The following CES1 variants were observed in gnomAD, a reference collection of about 807,000 sequenced individuals.
CES1 encodes carboxylesterase 1.
In CES1, 50 loss-of-function variants were observed where a neutral mutation model predicts 53.0. The ratio of observed to expected loss-of-function variants is 0.94; its 90% CI spans 0.75 to 1.19. The LOEUF is 1.19. Among genes scored for constraint, CES1 ranks in the 50% most tolerant of loss-of-function variants. The probability of loss-of-function intolerance (pLI) is 0.00; values close to 1 mark genes in which losing one functional copy is unlikely to be tolerated. For missense variants in CES1, 534 were observed against 538.0 expected (o/e 0.99, Z 0.07); for synonymous variants, 202 against 210.1 (o/e 0.96, Z 0.33).
chr16:55,816,242 T>C (rs28608110), intron 8 of CES1, among the ~76,000 whole-genome samples: 108,097 of 146,906 alleles, frequency 0.74, 39,055 homozygotes, highest in Non-Finnish European at 0.82. Context: ...CCCAAGAGGG[T>C]AGGGAGTCTT....
intron 1 of CES1, among the ~76,000 whole-genome samples, chr16:55,829,766 C>G (rs28641174): frequency 0.016 from 2,361 of 151,626 alleles, 62 homozygotes; most frequent in African/African-American, 0.051. Flanking sequence ...GGAACCGTTC[C>G]AGATAAAGGA....
chr16:55,810,801 A>AG, intron 10 of CES1, 126 bp downstream of exon 10: 2 of 1,414,342 alleles, frequency 1.4e-6, no homozygotes, highest in Admixed American at 3.4e-5. Context: ...GAAGTGGGAA[A>AG]GGTGGAAAGA....
chr16:55,812,116 T>C (rs1343301906), intron 9 of CES1, among the ~76,000 whole-genome samples: 1 of 152,228 alleles, frequency 6.6e-6, no homozygotes, highest in Non-Finnish European at 1.5e-5. Context: ...CTATTTCCCC[T>C]ATTGCAATCA....
intron 2 of CES1, 67 bp from the exon 3 acceptor site, chr16:55,826,362 C>A: frequency 6.3e-7 from 1 of 1,580,672 alleles, no homozygotes; most frequent in Non-Finnish European, 8.7e-7. Context: ...TCTACGGCAG[C>A]GCCTTGGACT....
At chr16:55,823,266 G>C (rs1175181159) in intron 4 of CES1, among the ~76,000 whole-genome samples, 1 of 152,166 alleles carries the variant, frequency 6.6e-6, no homozygotes, top group South Asian at 2.1e-4. Context: ...GAGGAGATGA[G>C]TCTTTCAGTG....
rs2031770282 is a variant in CES1 at position 55,813,009 on chromosome 16, A to T, written c.980T>A (p.Met327Lys). The change falls in exon 9 of 14, where the codon ATG becomes AAG. Residue 327 changes from methionine to lysine, a missense_variant. This residue lies in a region of CES1 where 269 missense variants were observed against 206.6 expected (regional missense o/e 1.30). Transcript: ENST00000360526. Reference protein sequence around the residue: ...QPLLGTVIDGMLLLKTPEELQ... With the variant: ...QPLLGTVIDGKLLLKTPEELQ... The stretch of plus-strand genomic sequence containing the variant: ...CTCTTCAGGTGTTTTCAGCAGCAGC[A>T]TCCCATCAATCACAGTGCCCAGAAG... 2 of 1,613,874 alleles carry T rather than the reference A, an allele frequency of 1.2e-6. No individual in the cohort carries two copies. The highest frequency in any genetic ancestry group is 1.3e-5 in the African/African-American group (1 of 74,898).
chr16:55,825,195 T>C (rs1240774221), intron 3 of CES1, among the ~76,000 whole-genome samples: 1 of 152,094 alleles, frequency 6.6e-6, no homozygotes, highest in Admixed American at 6.5e-5. Context: ...AATGAATGAA[T>C]GAATGAATGA....
chr16:55,830,167 T>C (rs867909562), intron 1 of CES1, among the ~76,000 whole-genome samples: 13 of 152,322 alleles, frequency 8.5e-5, no homozygotes, highest in Middle Eastern at 3.4e-3. Context: ...GAATATCCAA[T>C]CACAATGGAA....
intron 9 of CES1, among the ~76,000 whole-genome samples, chr16:55,811,446 T>C (rs1207526130): frequency 6.6e-6 from 1 of 152,134 alleles, no homozygotes; most frequent in East Asian, 1.9e-4. Flanking sequence ...TTAAATCCTG[T>C]CTTCGTGGCT....
chr16:55,830,604 A>G (rs2032599874), intron 1 of CES1, among the ~76,000 whole-genome samples: 2 of 152,190 alleles, frequency 1.3e-5, no homozygotes, highest in Non-Finnish European at 2.9e-5. Context: ...GGAGTTCAAG[A>G]CCAGCCTGGC....
intron 1 of CES1, among the ~76,000 whole-genome samples, chr16:55,830,807 A>AAGGAAGGAAGGGAGGG (rs1567509430): frequency 6.9e-6 from 1 of 145,224 alleles, no homozygotes; most frequent in African/African-American, 2.6e-5. Flanking sequence ...GGAAGGAAGG[A>AAGGAAGGAAGGGAGGG]AGGAAGGAAG....
In CES1 at chr16:55,810,959, T is replaced by G; in HGVS notation, c.1138A>C (p.Met380Leu). ...SEGQLDQKTAMSLLWKSYPLV... is the reference protein window; with the variant it reads ...SEGQLDQKTALSLLWKSYPLV... ...GGATAGGACTTCCACAGGAGTGACATGGCTGTCTTCTGGTCCAGTTGCCCT... is the reference window on the plus strand; with the variant it reads ...GGATAGGACTTCCACAGGAGTGACAGGGCTGTCTTCTGGTCCAGTTGCCCT... The change falls in exon 10 of 14, where the codon ATG becomes CTG. Residue 380 changes from methionine to leucine, a missense_variant. Met to Leu is a conservative substitution (Grantham distance 15). Around this residue, in one of 5 missense-constraint regions of CES1, gnomAD observed 269 missense variants for 206.6 expected, o/e 1.30. Transcript: ENST00000360526. 1 of 1,613,812 alleles carries G rather than the reference T, an allele frequency of 6.2e-7. No individual in the cohort carries two copies. The highest frequency in any genetic ancestry group is 8.5e-7 in the Non-Finnish European group (1 of 1,179,940).
intron 3 of CES1, among the ~76,000 whole-genome samples, chr16:55,825,948 A>G (rs377700051): frequency 3.3e-5 from 5 of 152,214 alleles, no homozygotes; most frequent in South Asian, 4.1e-4. Context: ...AAGATGCAAA[A>G]CAAACTCCCC....
chr16:55,821,847 A>G (rs2032212904), intron 4 of CES1, among the ~76,000 whole-genome samples: 1 of 152,200 alleles, frequency 6.6e-6, no homozygotes, highest in East Asian at 1.9e-4. Flanking sequence ...CATAGAGAGA[A>G]TATAATGATG....
At chr16:55,822,471 G>A (rs562207523) in intron 4 of CES1, among the ~76,000 whole-genome samples, 93 of 152,308 alleles carry the variant, frequency 6.1e-4, no homozygotes, top group Non-Finnish European at 9.4e-4. Context: ...GGGAGGATGT[G>A]GCAGCAGAAG....
intron 1 of CES1, among the ~76,000 whole-genome samples, chr16:55,832,627 G>T (rs1313437863): frequency 6.6e-6 from 1 of 152,182 alleles, no homozygotes; most frequent in Non-Finnish European, 1.5e-5. Context: ...TCGAACCCAC[G>T]CACTCTGGCT....
intron 11 of CES1, among the ~76,000 whole-genome samples, chr16:55,809,111 A>G (rs1187309076): frequency 1.3e-5 from 2 of 150,120 alleles, no homozygotes; most frequent in South Asian, 4.2e-4. Flanking sequence ...AAAAAAAAAA[A>G]GCCCTGAACT....
intron 3 of CES1, 100 bp from the exon 4 acceptor site, chr16:55,823,783 G>A: frequency 6.2e-7 from 1 of 1,601,572 alleles, no homozygotes; most frequent in Non-Finnish European, 8.5e-7. Context: ...TACAACTGAA[G>A]GAGGATGCTA....
intron 3 of CES1, among the ~76,000 whole-genome samples, chr16:55,823,986 A>G (rs1400170158): frequency 2.0e-5 from 3 of 152,268 alleles, no homozygotes; most frequent in African/African-American, 7.2e-5. Flanking sequence ...GCAAAGGCTA[A>G]GGATGTCCTC....
Sources: allele counts gnomAD v4.1 joint callset (sites outside exome capture counted in the v4.1 genomes callset), GRCh38; gene constraint gnomAD v4.1.1; regional missense constraint gnomAD v4.1.1; transcripts MANE v1.5; gene names NCBI Gene and HGNC (gene_info 2026-07-23, HGNC 2026-07-21).